SDC1: variants seen among roughly 807,000 people sequenced by gnomAD.
SDC1 encodes syndecan 1.
A neutral mutation model predicts 29.7 loss-of-function variants in SDC1; 14 were observed. The ratio of observed to expected loss-of-function variants is 0.47; its 90% CI spans 0.31 to 0.74. The LOEUF is 0.74. Among genes scored for constraint, SDC1 ranks in the 30% least tolerant of loss-of-function variants. The pLI is 0.05. For synonymous variants in SDC1, 204 were observed against 175.5 expected, an observed-to-expected ratio of 1.16 and a Z score of -1.29; for missense variants, 406 against 400.3, an observed-to-expected ratio of 1.01 and a Z score of -0.12.
chr2:20,224,191 C>T lies in SDC1; in HGVS notation c.66+611G>A, dbSNP rs1677915701. 1 of 425,840 alleles carries T rather than the reference C, an allele frequency of 2.3e-6. No homozygotes were observed. The highest frequency in any genetic ancestry group is 1.6e-5 in the South Asian group (1 of 62,618). The allele number at this position is 425,840 out of a possible 1,614,324, so 26.4% of individuals were successfully genotyped here. On this transcript the variant is annotated intron_variant, in intron 1 of 4. Coordinates refer to ENST00000254351, the MANE Select transcript of SDC1 (RefSeq NM_002997.5). This position sits in a 1 kb window ranked among gnomAD's most constrained non-coding sequence, Gnocchi z 4.9. ...CCGCTGCCGGGCCGGCTCAGCTCAC[C>T]TCGAGCCGCCCACGGCAAGCCCGAG...
At chr2:20,218,658 GACACACGT>G (rs371543164) in intron 1 of SDC1, among the ~76,000 whole-genome samples, 3,944 of 147,492 alleles carry the variant, frequency 0.027, 156 homozygotes, top group African/African-American at 0.094. Context: ...CACACACAGA[GACACACGT>G]ACACACGGAC....
At chr2:20,219,934 C>G (rs1053436304) in intron 1 of SDC1, among the ~76,000 whole-genome samples, 3 of 152,236 alleles carry the variant, frequency 2.0e-5, no homozygotes, top group Non-Finnish European at 4.4e-5. Context: ...GCCCGCCTCC[C>G]AGGCTTACAA....
intron 1 of SDC1, among the ~76,000 whole-genome samples, chr2:20,223,868 A>G (rs1677903089): frequency 6.6e-6 from 1 of 152,144 alleles, no homozygotes. Flanking sequence ...AGCCCCGCTG[A>G]AGGTGGATGC....
In SDC1 at chr2:20,219,113, G is replaced by C. The variant is rs531852999; in HGVS notation, c.66+5689C>G. On this transcript the variant is annotated intron_variant, in intron 1 of 4. Coordinates refer to ENST00000254351, the MANE Select transcript of SDC1 (RefSeq NM_002997.5). ...CAGCCGCCGCCTGTTCTGCTCTCCT[G>C]ACTCAATGGCCCCAAGACCCAAGAT... Among the ~76,000 whole-genome samples, 15 of 152,228 alleles carry C rather than the reference G, an allele frequency of 9.9e-5. No homozygotes were observed. The South Asian group carries it at 3.1e-3, about 32-fold the overall frequency.
Position 20,202,811 on chromosome 2 carries a change from G to A in SDC1, c.888C>T (p.Gly296=), listed in dbSNP as rs765400519. Residue 296 remains glycine (G), a synonymous_variant, in exon 5 of 5, where the codon GGC becomes GGT. Coordinates refer to ENST00000254351, the MANE Select transcript of SDC1 (RefSeq NM_002997.5). The part of the protein sequence containing the change: ...YSLEEPKQAN[G]GAYQKPTKQE... ...GTTTGGTGGGCTTCTGGTAGGCCCC[G>A]CCGTTGGCTTGTTTCGGCTCCTCCA... is the stretch of plus-strand genomic sequence containing the variant. 1.1e-5 allele frequency: 18 copies of A among 1,613,294 alleles called. No individual in the cohort carries two copies. Among genetic ancestry groups the A allele is most frequent in the East Asian group, 1.1e-4 (5 of 44,870 alleles).
At chr2:20,207,511 C>G in intron 1 of SDC1, 1 of 415,166 alleles carries the variant, frequency 2.4e-6, no homozygotes, top group Non-Finnish European at 3.2e-6. Flanking sequence ...CCAGACCAGC[C>G]TGGCCAACAT....
At chr2:20,216,566 G>A (rs1417223992) in intron 1 of SDC1, among the ~76,000 whole-genome samples, 1 of 152,184 alleles carries the variant, frequency 6.6e-6, no homozygotes, top group African/African-American at 2.4e-5. Flanking sequence ...GCCTCGGACA[G>A]TTTCCTGGGC....
chr2:20,208,845 A>G (rs894634360), intron 1 of SDC1, among the ~76,000 whole-genome samples: 1 of 152,186 alleles, frequency 6.6e-6, no homozygotes, highest in Non-Finnish European at 1.5e-5. Context: ...TCCCAGGAAA[A>G]CCAACTGTTC....
chr2:20,205,289 A>C (rs6531225), intron 2 of SDC1, 54 bp downstream of exon 2: 1,352,738 of 1,356,084 alleles, frequency 1, 674,763 homozygotes, highest in East Asian at 1. Context: ...ACCACTGCCC[A>C]CAGGCATGAC....
intron 1 of SDC1, among the ~76,000 whole-genome samples, chr2:20,210,757 G>A (rs975132979): frequency 6.6e-6 from 1 of 152,184 alleles, no homozygotes; most frequent in Admixed American, 6.5e-5. Context: ...CCATGGCACT[G>A]GCTCTGGGGC....
intron 1 of SDC1, among the ~76,000 whole-genome samples, chr2:20,206,661 C>T (rs2148284317): frequency 6.6e-6 from 1 of 152,348 alleles, no homozygotes. Flanking sequence ...CAGAACAGCA[C>T]AGTCCAGAGC....
In SDC1 at chr2:20,203,098, T is replaced by C. The variant is rs1481080792; in HGVS notation, c.752A>G (p.Glu251Gly). ...GAAAGAAAACTCACCTCCCAGCACC[T>C]CTTTCCTGTCCAGGAGGCCCTGTGA... ...GASQGLLDRK[E>G]VLGGVIAGGL... Residue 251 changes from glutamate (E) to glycine (G), a missense_variant, in exon 4 of 5, where the codon GAG (glutamate) becomes GGG (glycine). By Grantham distance (98) the Glu-to-Gly change is moderately conservative (BLOSUM62 -2). Transcript: ENST00000254351. 1.2e-6 allele frequency: 2 copies of C among 1,606,298 alleles called. No homozygotes were observed. The highest frequency in any genetic ancestry group is 1.7e-6 in the Non-Finnish European group (2 of 1,175,166).
chr2:20,204,431 C>T, intron 2 of SDC1, 140 bp from the exon 3 acceptor site: 1 of 660,602 alleles, frequency 1.5e-6, no homozygotes, highest in Non-Finnish European at 2.7e-6. Context: ...AGTACCTGGA[C>T]AAGGCAGCTG....
intron 4 of SDC1, 62 bp from the exon 5 acceptor site, chr2:20,202,997 C>A: frequency 6.4e-7 from 1 of 1,570,020 alleles, no homozygotes; most frequent in Non-Finnish European, 8.7e-7. Flanking sequence ...TGCAGACCCT[C>A]CCCAAAGCAG....
At position 20,215,595 on chromosome 2, in the gene SDC1, T is replaced by C. The variant is rs1020345357; in HGVS notation, c.66+9207A>G. ...GTCAGCCTCAGTGCTCCCCTAGACTTGCTTCTCTGTGCTCTAGGCAAGGAA... is the reference window on the plus strand; with the variant it reads ...GTCAGCCTCAGTGCTCCCCTAGACTCGCTTCTCTGTGCTCTAGGCAAGGAA... On this transcript the variant is annotated intron_variant, in intron 1 of 4. Transcript: ENST00000254351. Among the ~76,000 whole-genome samples the C allele has an allele frequency of 2.0e-5, 3 of 152,224 alleles. No homozygotes were observed. In the South Asian group the frequency reaches 6.2e-4, roughly 32 times the overall value.
chr2:20,224,757 C>T lies in SDC1; in HGVS notation c.66+45G>A. ...CCGCCGGCATCCGCGGGTGACCAGTCCCGGCTTCCCGCCGCCTCCCCGCCT... is the reference window on the plus strand; with the variant it reads ...CCGCCGGCATCCGCGGGTGACCAGTTCCGGCTTCCCGCCGCCTCCCCGCCT... On this transcript the variant is annotated intron_variant, in intron 1 of 4. Coordinates refer to ENST00000254351, the MANE Select transcript of SDC1 (RefSeq NM_002997.5). The surrounding 1 kb of genome is among the most constrained non-coding windows in gnomAD (Gnocchi z 4.9). 4 of 1,295,702 alleles carry T rather than the reference C, an allele frequency of 3.1e-6. No homozygotes were observed. The highest frequency in any genetic ancestry group is 3.9e-6 in the Non-Finnish European group (4 of 1,021,670). 80.3% of individuals were successfully genotyped at this position (1,295,702 alleles called of 1,614,324 possible).
At chr2:20,203,031 A>G in intron 4 of SDC1, 56 bp downstream of exon 4, 19 of 1,568,912 alleles carry the variant, frequency 1.2e-5, no homozygotes, top group Non-Finnish European at 1.7e-5. Flanking sequence ...GGTCAGCCCC[A>G]CCCTGACCCC....
At position 20,203,200 on chromosome 2, in the gene SDC1, CCCGAGGTTTCAAAGGTGAAG is replaced by C; in HGVS notation, c.630_649del (p.Asp210GlufsTer12). ...CACGGCCACTACAGCCGTATTCTCC[CCCGAGGTTTCAAAGGTGAAG>C]TCCTGTGGGAGGGCAGGGGCAGATT... On this transcript the variant is annotated frameshift_variant and splice_region_variant, in exon 4 of 5. Transcript: ENST00000254351. LOFTEE classifies it high-confidence loss of function. 6.2e-7 allele frequency: 1 copy of C among 1,609,420 alleles called. No homozygotes were observed.
chr2:20,202,142 G>T lies in SDC1; in HGVS notation c.*624C>A. 2 of 573,832 alleles carry T rather than the reference G, an allele frequency of 3.5e-6. No homozygotes were observed. The highest frequency in any genetic ancestry group is 4.4e-5 in the South Asian group (2 of 45,012). The allele number at this position is 573,832 out of a possible 1,614,324, so 35.5% of individuals were successfully genotyped here. A position where few individuals can be genotyped will look rare whatever the true frequency, so the allele number is the denominator to read the frequency against. ...CTTCTTAACCCTGATGCTGTCTCCC[G>T]ACCATAGATTAGGGAAGCAAGATGG... is the stretch of plus-strand genomic sequence containing the variant. On this transcript the variant is annotated 3_prime_UTR_variant, in exon 5 of 5. Coordinates refer to ENST00000254351, the MANE Select transcript of SDC1 (RefSeq NM_002997.5).
Sources: allele counts gnomAD v4.1 joint callset (sites outside exome capture counted in the v4.1 genomes callset), GRCh38; gene constraint gnomAD v4.1.1; non-coding constraint Gnocchi (gnomAD v3.1); transcripts MANE v1.5; gene names NCBI Gene and HGNC (gene_info 2026-07-23, HGNC 2026-07-21).